Variants in PIK3C2A observed in about 807,000 individuals in gnomAD.
PIK3C2A encodes the protein phosphatidylinositol-4-phosphate 3-kinase catalytic subunit type 2 alpha.
Under a neutral mutation model 204.5 loss-of-function variants are expected in PIK3C2A, and 97 were observed. The ratio of observed to expected loss-of-function variants is 0.47; its 90% CI spans 0.40 to 0.56. The LOEUF (loss-of-function observed/expected upper bound fraction) is 0.56. Ranked by LOEUF, PIK3C2A falls within the 20% of genes least tolerant of loss-of-function variation. The probability of loss-of-function intolerance (pLI) is 0.00; values close to 1 mark genes in which losing one functional copy is unlikely to be tolerated. For synonymous variants in PIK3C2A, 653 were observed against 664.4 expected (o/e 0.98, Z 0.26); for missense variants, 1,735 against 1,969.2 (o/e 0.88, Z 2.25).
chr11:17,191,171 A>C (rs1162541286), intron 1 of PIK3C2A, among the ~76,000 whole-genome samples: 1 of 152,198 alleles, frequency 6.6e-6, no homozygotes, highest in Non-Finnish European at 1.5e-5. Flanking sequence ...TTAATTTTAC[A>C]TCCTACCTAT....
intron 1 of PIK3C2A, among the ~76,000 whole-genome samples, chr11:17,201,530 A>G (rs1565311255): frequency 1.3e-5 from 1 of 79,924 alleles, no homozygotes; most frequent in Non-Finnish European, 2.4e-5. Context: ...CGTCTCAAAA[A>G]AAAAAAAAAA....
At chr11:17,101,882 C>T (rs899848046) in intron 24 of PIK3C2A, among the ~76,000 whole-genome samples, 8 of 151,912 alleles carry the variant, frequency 5.3e-5, no homozygotes, top group South Asian at 4.1e-4. Context: ...GGATTACAGG[C>T]GTGAGCCACT....
At chr11:17,162,073 C>T (rs1215345184) in intron 2 of PIK3C2A, among the ~76,000 whole-genome samples, 4 of 152,162 alleles carry the variant, frequency 2.6e-5, no homozygotes, top group African/African-American at 7.2e-5. Context: ...CAGTGGCTCA[C>T]ATCTGTCATC....
intron 1 of PIK3C2A, among the ~76,000 whole-genome samples, chr11:17,171,726 T>G (rs1385676408): frequency 6.6e-6 from 1 of 152,202 alleles, no homozygotes; most frequent in African/African-American, 2.4e-5. Context: ...TCTTGCTACA[T>G]ATGCACAAAG....
chr11:17,154,878 G>A (rs1022705207), intron 3 of PIK3C2A, among the ~76,000 whole-genome samples: 8 of 152,100 alleles, frequency 5.3e-5, no homozygotes, highest in Non-Finnish European at 1.2e-4. Context: ...CCCTTTTTAA[G>A]TTCAAGATGG....
chr11:17,178,891 G>A (rs1446205561), intron 1 of PIK3C2A, among the ~76,000 whole-genome samples: 2 of 150,836 alleles, frequency 1.3e-5, no homozygotes, highest in Non-Finnish European at 3.0e-5. Context: ...CACCGCGCCC[G>A]GCTAATTTTT....
chr11:17,131,791 A>G, intron 12 of PIK3C2A, 125 bp downstream of exon 12: 1 of 773,712 alleles, frequency 1.3e-6, no homozygotes, highest in East Asian at 2.6e-5. Context: ...AGATCTTAAG[A>G]CATAAGTCAG....
chr11:17,119,392 A>G (rs923994162), intron 16 of PIK3C2A, 79 bp from the exon 17 acceptor site: 2 of 804,892 alleles, frequency 2.5e-6, no homozygotes, highest in African/African-American at 1.7e-5. Context: ...CACAATCTCA[A>G]TCTGGTCCTG....
intron 2 of PIK3C2A, among the ~76,000 whole-genome samples, chr11:17,155,961 T>C (rs1407240875): frequency 6.6e-6 from 1 of 152,188 alleles, no homozygotes; most frequent in Non-Finnish European, 1.5e-5. Flanking sequence ...AAGGACTCTC[T>C]GTTTTAAGAA....
intron 1 of PIK3C2A, among the ~76,000 whole-genome samples, chr11:17,175,710 T>C (rs1851313147): frequency 6.6e-6 from 1 of 152,208 alleles, no homozygotes; most frequent in African/African-American, 2.4e-5. Context: ...GTAATTAAAC[T>C]ATTTAGTTAA....
At chr11:17,124,996 TG>T (rs1175815329) in intron 13 of PIK3C2A, among the ~76,000 whole-genome samples, 1 of 152,244 alleles carries the variant, frequency 6.6e-6, no homozygotes, top group Non-Finnish European at 1.5e-5. Flanking sequence ...ATTTTGCAGT[TG>T]GTATTGTATA....
chr11:17,103,440 T>C (rs1848708511), intron 23 of PIK3C2A, among the ~76,000 whole-genome samples: 1 of 152,156 alleles, frequency 6.6e-6, no homozygotes, highest in South Asian at 2.1e-4. Context: ...AAAGCATGTG[T>C]ATTTAGTTTA....
chr11:17,129,371 AG>A lies in PIK3C2A; in HGVS notation c.2327del (p.Pro776LeufsTer27), dbSNP rs1358280245. 6.2e-7 allele frequency: 1 copy of A among 1,613,446 alleles called. No individual in the cohort carries two copies. Among genetic ancestry groups the A allele is most frequent in the East Asian group, 2.2e-5 (1 of 44,866 alleles). On this transcript the variant is annotated frameshift_variant, in exon 13 of 33. Coordinates refer to ENST00000691414, the MANE Select transcript of PIK3C2A (RefSeq NM_002645.4). LOFTEE classifies it high-confidence loss of function. ...GTCCCTTTCTCTGCTTATTAGAATC[AG>A]GGGAACTTCCACTGCTCTGATTTAA... Reference protein sequence around the residue: ...GILNQSSGSSPDSNKQRKGPE... With the variant: ...GILNQSSGSSXDSNKQRKGPE...
intron 15 of PIK3C2A, 54 bp from the exon 16 acceptor site, chr11:17,120,028 C>CCTG: frequency 1.4e-6 from 1 of 718,372 alleles, no homozygotes; most frequent in South Asian, 2.9e-5. Context: ...ATGATATAAT[C>CCTG]TCAATGATTA....
At position 17,136,745 on chromosome 11, in the gene PIK3C2A, G is replaced by A. The variant is rs556926871; in HGVS notation, c.1705-120C>T. ...TAACAGATATCCTCTACTCTTTTGT[G>A]ATGACAAAGAAAAAACATAGCTTTT... On this transcript the variant is annotated intron_variant, in intron 8 of 32. Transcript: ENST00000691414. The A allele has an allele frequency of 3.8e-5, 20 of 526,430 alleles. No homozygotes were observed. In the South Asian group the frequency reaches 6.7e-4, roughly 18 times the overall value. The allele number at this position is 526,430 out of a possible 1,614,324, so 32.6% of individuals were successfully genotyped here.
intron 2 of PIK3C2A, among the ~76,000 whole-genome samples, chr11:17,167,165 T>C (rs1347091351): frequency 6.6e-6 from 1 of 152,010 alleles, no homozygotes; most frequent in African/African-American, 2.4e-5. Flanking sequence ...TAGAGACAGG[T>C]TCTCATTATG....
At chr11:17,202,367 G>T (rs1047117826) in intron 1 of PIK3C2A, among the ~76,000 whole-genome samples, 27 of 150,722 alleles carry the variant, frequency 1.8e-4, no homozygotes, top group African/African-American at 4.9e-4. Flanking sequence ...TGGGCCCAGG[G>T]GTTCAAGACC....
intron 1 of PIK3C2A, among the ~76,000 whole-genome samples, chr11:17,186,131 C>T (rs888143228): frequency 1.3e-5 from 2 of 152,146 alleles, no homozygotes; most frequent in African/African-American, 2.4e-5. Flanking sequence ...TCTTCTGTTA[C>T]CTCTGACTAG....
chr11:17,119,334 C>A, intron 16 of PIK3C2A, 21 bp from the exon 17 acceptor site: 1 of 1,352,516 alleles, frequency 7.4e-7, no homozygotes, highest in Non-Finnish European at 1.1e-6. Flanking sequence ...ACCATAAAAC[C>A]AAGATTGGAC....
Sources: allele counts gnomAD v4.1 joint callset (sites outside exome capture counted in the v4.1 genomes callset), GRCh38; gene constraint gnomAD v4.1.1; transcripts MANE v1.5; gene names NCBI Gene and HGNC (gene_info 2026-07-23, HGNC 2026-07-21).